ABCA13: variants seen among roughly 807,000 people sequenced by gnomAD.
The protein encoded by ABCA13 is ATP-binding cassette sub-family A member 13.
A neutral mutation model predicts 478.7 loss-of-function variants in ABCA13; 476 were observed. The observed-to-expected ratio is 0.99, with a 90% CI of 0.92 to 1.07. The LOEUF (loss-of-function observed/expected upper bound fraction) is 1.07, where lower values mean the gene tolerates loss of function less well. Among genes scored for constraint, ABCA13 ranks in the 50% least tolerant of loss-of-function variants. The pLI, the probability that ABCA13 is intolerant of heterozygous loss-of-function variation, is 0.00. For synonymous variants in ABCA13, 2,252 were observed against 2,158.9 expected, an observed-to-expected ratio of 1.04 and a Z score of -1.20; for missense variants, 6,060 against 5,910.6, an observed-to-expected ratio of 1.03 and a Z score of -0.83.
At chr7:48,563,829 TGTG>T (rs752486967) in intron 55 of ABCA13, among the ~76,000 whole-genome samples, 4,086 of 82,358 alleles carry the variant, frequency 0.05, 163 homozygotes, top group African/African-American at 0.16. Context: ...TGTGTGTGTG[TGTG>T]TGTGTGTTTT....
chr7:48,204,065 CT>C (rs1019466257), intron 3 of ABCA13, among the ~76,000 whole-genome samples: 2 of 151,920 alleles, frequency 1.3e-5, no homozygotes, highest in African/African-American at 4.8e-5. Flanking sequence ...TCACCTGCTG[CT>C]GCCTCACCTC....
rs1316519963 is a variant in ABCA13, at chr7:48,276,188, T to G, written c.6522T>G (p.Asn2174Lys). 11 of 1,588,946 alleles carry G rather than the reference T, an allele frequency of 6.9e-6. No homozygotes were observed. The highest frequency in any genetic ancestry group is 3.6e-5 in the Admixed American group (2 of 56,266). Residue 2174 changes from asparagine (N) to lysine (K), a missense_variant, in exon 17 of 62, where the codon AAT becomes AAG. Coordinates refer to ENST00000435803, the MANE Select transcript of ABCA13 (RefSeq NM_152701.5). Reference sequence around the variant, plus strand: ...CTACTTTTTGGGGCTCTTTAAAAAATATATCTAGAGCAGGCAATTTTGATG... The same window carrying G: ...CTACTTTTTGGGGCTCTTTAAAAAAGATATCTAGAGCAGGCAATTTTGATG... The part of the protein sequence containing the change: ...AIATFWGSLK[N>K]ISRAGNFDVA...
At chr7:48,187,143 C>T (rs1015046576) in intron 1 of ABCA13, among the ~76,000 whole-genome samples, 1 of 150,024 alleles carries the variant, frequency 6.7e-6, no homozygotes, top group African/African-American at 2.4e-5. Flanking sequence ...AGCTGTGTGT[C>T]ATTTTTTTTA....
chr7:48,584,905 G>T (rs561312913), intron 56 of ABCA13, among the ~76,000 whole-genome samples: 1 of 152,010 alleles, frequency 6.6e-6, no homozygotes, highest in Non-Finnish European at 1.5e-5. Context: ...ACTTTTTTCC[G>T]ACAGATAAAG....
intron 3 of ABCA13, among the ~76,000 whole-genome samples, chr7:48,206,767 A>G (rs1006240672): frequency 9.3e-5 from 14 of 150,066 alleles, no homozygotes; most frequent in African/African-American, 3.2e-4. Context: ...CCATCATCTA[A>G]AGTATAAATC....
chr7:48,334,996 C>T (rs936298109), intron 27 of ABCA13, among the ~76,000 whole-genome samples: 1 of 152,172 alleles, frequency 6.6e-6, no homozygotes, highest in Non-Finnish European at 1.5e-5. Flanking sequence ...TGCCAGTGTA[C>T]TCTGCCAGTA....
intron 35 of ABCA13, among the ~76,000 whole-genome samples, chr7:48,385,032 G>T (rs992410407): frequency 2.6e-5 from 4 of 152,108 alleles, no homozygotes; most frequent in African/African-American, 9.7e-5. Context: ...AAGTACAGGG[G>T]GTTAGAACTT....
At chr7:48,353,125 C>T (rs190974923) in intron 31 of ABCA13, among the ~76,000 whole-genome samples, 9 of 151,836 alleles carry the variant, frequency 5.9e-5, no homozygotes, top group African/African-American at 1.9e-4. Flanking sequence ...AGACTATGGT[C>T]GGACTGGGGC....
intron 3 of ABCA13, among the ~76,000 whole-genome samples, chr7:48,214,915 T>A (rs1786218515): frequency 6.6e-6 from 1 of 152,218 alleles, no homozygotes; most frequent in Admixed American, 6.5e-5. Context: ...CATTCACAAC[T>A]TCATTAACTG....
At chr7:48,285,672 A>G (rs952576324) in intron 19 of ABCA13, among the ~76,000 whole-genome samples, 5 of 152,240 alleles carry the variant, frequency 3.3e-5, no homozygotes, top group African/African-American at 1.2e-4. Context: ...GCCTGATGCC[A>G]TACATTACAT....
rs17132432 is a variant in ABCA13 at position 48,517,545 on chromosome 7, A to G, written c.13797+664A>G. On this transcript the variant is annotated intron_variant, in intron 52 of 61. Transcript: ENST00000435803. Reference sequence around the variant, plus strand: ...TCATCTCCAGCTGGTGTCTAGGTCAAGGTGAACCCATTAGTCCTGCCACAT... The same window carrying G: ...TCATCTCCAGCTGGTGTCTAGGTCAGGGTGAACCCATTAGTCCTGCCACAT... Among the ~76,000 whole-genome samples, 7 of 152,204 alleles carry G rather than the reference A, an allele frequency of 4.6e-5. No homozygotes were observed. The South Asian group carries it at 1.5e-3, about 32-fold the overall frequency.
At chr7:48,350,520 C>A in intron 29 of ABCA13, 123 bp from the exon 30 acceptor site, 1 of 1,237,404 alleles carries the variant, frequency 8.1e-7, no homozygotes, top group Non-Finnish European at 1.1e-6. Flanking sequence ...CTCTTTTGAG[C>A]AATTTTTTAG....
chr7:48,212,939 T>C (rs1054828509), intron 3 of ABCA13, among the ~76,000 whole-genome samples: 2 of 152,136 alleles, frequency 1.3e-5, no homozygotes, highest in African/African-American at 4.8e-5. Context: ...AATTTATCAC[T>C]TTTTTCTATT....
At chr7:48,265,163 A>G (rs1212083763) in intron 15 of ABCA13, among the ~76,000 whole-genome samples, 4 of 151,680 alleles carry the variant, frequency 2.6e-5, no homozygotes, top group Non-Finnish European at 5.9e-5. Context: ...CTTTATACCA[A>G]AATTAACTAT....
chr7:48,298,877 A>C lies in ABCA13; in HGVS notation c.9321+390A>C, dbSNP rs7808035. Among the ~76,000 whole-genome samples, 733 of 152,306 alleles carry C rather than the reference A, an allele frequency of 4.8e-3. 7 individuals carry two copies. The highest frequency in any genetic ancestry group is 0.017 in the African/African-American group (697 of 41,556). Reference sequence around the variant, plus strand: ...AAAAACAGCTAAAAATATCTTAAGAATCAACTATGACTTCCTCTGAGTGGA... The same window carrying C: ...AAAAACAGCTAAAAATATCTTAAGACTCAACTATGACTTCCTCTGAGTGGA... On this transcript the variant is annotated intron_variant, in intron 23 of 61. Transcript: ENST00000435803.
chr7:48,524,969 G>A (rs1280857987), intron 54 of ABCA13, among the ~76,000 whole-genome samples: 1 of 152,168 alleles, frequency 6.6e-6, no homozygotes, highest in Non-Finnish European at 1.5e-5. Flanking sequence ...TGCTTAATGT[G>A]TAAAGGGAAA....
Position 48,418,151 on chromosome 7 carries a change from G to C in ABCA13, c.12459+5568G>C, listed in dbSNP as rs576964420. ...GAACAAAGCTGCTATAAATATCTGT[G>C]TGCAGATTTTTGTGTGGACATAAGT... On this transcript the variant is annotated intron_variant, in intron 41 of 61. Transcript: ENST00000435803. Among the ~76,000 whole-genome samples the C allele has an allele frequency of 1.3e-5, 2 of 152,310 alleles. 1 individual carries two copies. The highest frequency in any genetic ancestry group is 4.8e-5 in the African/African-American group (2 of 41,572).
At chr7:48,387,632 C>T (rs763304530) in intron 35 of ABCA13, among the ~76,000 whole-genome samples, 190 bp from the exon 36 acceptor site, 10 of 151,876 alleles carry the variant, frequency 6.6e-5, no homozygotes, top group African/African-American at 4.8e-5. Context: ...TGGATCAGGC[C>T]GAGAAGGGAG....
At chr7:48,243,058 C>G (rs541534567) in intron 10 of ABCA13, 1 of 152,284 alleles carries the variant, frequency 6.6e-6, no homozygotes, top group African/African-American at 2.4e-5. Flanking sequence ...CACCCAGGCT[C>G]TAGCAGATAG....
Sources: gnomAD v4.1 joint callset for allele counts (sites outside exome capture counted in the v4.1 genomes callset) on GRCh38, gnomAD v4.1.1 for gene constraint, MANE v1.5 for transcripts, NCBI Gene and HGNC (gene_info 2026-07-23, HGNC 2026-07-21) for gene names.